POLR3B: variants seen among roughly 807,000 people sequenced by gnomAD.
POLR3B encodes RNA polymerase III subunit B.
POLR3B carries 96 observed loss-of-function variants against 147.4 expected under a neutral mutation model. That is an observed-to-expected ratio of 0.65 (90% CI 0.55 to 0.77). The LOEUF is 0.77. Ranked by LOEUF, POLR3B falls within the 30% of genes least tolerant of loss-of-function variation. The pLI, the probability that POLR3B is intolerant of heterozygous loss-of-function variation, is 0.00. For missense variants in POLR3B, 1,036 were observed against 1,413.5 expected, an observed-to-expected ratio of 0.73 and a Z score of 4.28; for synonymous variants, 461 against 485.9, an observed-to-expected ratio of 0.95 and a Z score of 0.67.
At chr12:106,380,224 G>A in intron 9 of POLR3B, 85 bp downstream of exon 9, 1 of 777,160 alleles carries the variant, frequency 1.3e-6, no homozygotes, top group East Asian at 2.7e-5. Flanking sequence ...GGAGGGTAAG[G>A]AATTCTTGGA....
intron 23 of POLR3B, among the ~76,000 whole-genome samples, chr12:106,470,634 G>A (rs2038076552): frequency 6.6e-6 from 1 of 152,118 alleles, no homozygotes; most frequent in Non-Finnish European, 1.5e-5. Flanking sequence ...TATGGATGAG[G>A]TTTTGGTCTG....
intron 18 of POLR3B, among the ~76,000 whole-genome samples, chr12:106,443,731 G>A (rs1352839049): frequency 2.0e-5 from 3 of 152,132 alleles, no homozygotes; most frequent in African/African-American, 7.2e-5. Context: ...GTGTTGGCTA[G>A]GCTGGTCTCG....
At chr12:106,366,632 T>C (rs946254326) in intron 3 of POLR3B, 26 bp from the exon 4 acceptor site, 1 of 1,609,518 alleles carries the variant, frequency 6.2e-7, no homozygotes, top group African/African-American at 1.3e-5. Context: ...CCAGAGTCTT[T>C]GCTAATGTTG....
intron 23 of POLR3B, among the ~76,000 whole-genome samples, chr12:106,493,164 A>T (rs779576826): frequency 8.5e-5 from 13 of 152,208 alleles, no homozygotes; most frequent in Non-Finnish European, 1.8e-4. Flanking sequence ...TTTGTAGTCC[A>T]TCCTCTTTTC....
At chr12:106,492,183 A>G (rs1288855119) in intron 23 of POLR3B, among the ~76,000 whole-genome samples, 1 of 151,592 alleles carries the variant, frequency 6.6e-6, no homozygotes, top group South Asian at 2.1e-4. Flanking sequence ...CCTGCTTAAG[A>G]TAGTCCATTA....
At chr12:106,469,603 A>T (rs2038060059) in intron 23 of POLR3B, among the ~76,000 whole-genome samples, 2 of 151,944 alleles carry the variant, frequency 1.3e-5, no homozygotes, top group Admixed American at 6.6e-5. Context: ...GTTCCTTTCC[A>T]TGTTTAGTGC....
rs2037882070 is a variant in POLR3B, at chr12:106,457,673, TACAA to T, written c.2452+380_2452+383del. ...TGCAAAGGTATGACTCCATTATAATTACAAACTTGTAATGCATTTTGTTGATGAA... is the reference window on the plus strand; with the variant it reads ...TGCAAAGGTATGACTCCATTATAATTACTTGTAATGCATTTTGTTGATGAA... On this transcript the variant is annotated intron_variant, in intron 21 of 27. Coordinates refer to ENST00000228347, the MANE Select transcript of POLR3B (RefSeq NM_018082.6). 3.3e-5 allele frequency among the ~76,000 whole-genome samples: 5 copies of T among 152,236 alleles called. No individual in the cohort carries two copies. In the South Asian group the frequency reaches 1.0e-3, roughly 31 times the overall value.
rs762386215 is a variant in POLR3B at position 106,410,810 on chromosome 12, A to C, written c.967-16A>C. ...GTCCATTTTCTCAAAATTTTTCTCC[A>C]ATTTCTGACTTACAGGTTAAGGAAT... On this transcript the variant is annotated splice_polypyrimidine_tract_variant and intron_variant, in intron 11 of 27. Transcript: ENST00000228347. The C allele has an allele frequency of 9.9e-6, 16 of 1,613,100 alleles. No homozygotes were observed. The highest frequency in any genetic ancestry group is 1.3e-5 in the Non-Finnish European group (15 of 1,179,408).
intron 19 of POLR3B, among the ~76,000 whole-genome samples, chr12:106,448,145 G>T (rs1052655263): frequency 7.9e-5 from 12 of 152,110 alleles, no homozygotes; most frequent in East Asian, 7.7e-4. Context: ...ATTATTTTTT[G>T]AATTCTGCTA....
rs2288266 is a variant in POLR3B at position 106,509,896 on chromosome 12, A to T, written c.*347A>T. 1 of 222,952 alleles carries T rather than the reference A, an allele frequency of 4.5e-6. No homozygotes were observed. Among genetic ancestry groups the T allele is most frequent in the Non-Finnish European group, 9.1e-6 (1 of 109,982 alleles). 13.8% of individuals were successfully genotyped at this position (222,952 alleles called of 1,614,324 possible). On this transcript the variant is annotated 3_prime_UTR_variant, in exon 28 of 28. Coordinates refer to ENST00000228347, the MANE Select transcript of POLR3B (RefSeq NM_018082.6). ...TCCTTCAAGCAAATGTTTGGGGTCA[A>T]ATTTACCATATCTTCTGGCTAACCA...
At chr12:106,451,951 A>T (rs1323261799) in intron 19 of POLR3B, among the ~76,000 whole-genome samples, 1 of 152,172 alleles carries the variant, frequency 6.6e-6, no homozygotes, top group Non-Finnish European at 1.5e-5. Context: ...GCAAAATGGG[A>T]TAATAGAAGT....
At chr12:106,496,272 G>A (rs1336238557) in intron 24 of POLR3B, 114 bp downstream of exon 24, 5 of 764,970 alleles carry the variant, frequency 6.5e-6, no homozygotes, top group Non-Finnish European at 9.5e-6. Context: ...TTCAGGTAGA[G>A]CTCTTCTGCC....
chr12:106,464,336 CACTA>C (rs2037978308), intron 23 of POLR3B, among the ~76,000 whole-genome samples: 1 of 152,202 alleles, frequency 6.6e-6, no homozygotes, highest in South Asian at 2.1e-4. Flanking sequence ...ACTTTTGTAG[CACTA>C]ACTGTGTGCC....
intron 11 of POLR3B, among the ~76,000 whole-genome samples, chr12:106,408,254 A>G (rs995029618): frequency 2.6e-5 from 4 of 152,232 alleles, no homozygotes; most frequent in Non-Finnish European, 4.4e-5. Context: ...AGTATTGTTT[A>G]GGTGTGTCTG....
Position 106,442,344 on chromosome 12 carries a change from A to G in POLR3B, c.1956-2119A>G, listed in dbSNP as rs764669959. 2.0e-5 allele frequency among the ~76,000 whole-genome samples: 3 copies of G among 152,178 alleles called. No homozygotes were observed. In the South Asian group the frequency reaches 6.2e-4, roughly 32 times the overall value. On this transcript the variant is annotated intron_variant, in intron 18 of 27. Transcript: ENST00000228347. Reference sequence around the variant, plus strand: ...GTTTTTACTTAGATGGAAAATGTCAACTTGGCCAATATTTAAACAAAGCAG... The same window carrying G: ...GTTTTTACTTAGATGGAAAATGTCAGCTTGGCCAATATTTAAACAAAGCAG...
intron 12 of POLR3B, among the ~76,000 whole-genome samples, chr12:106,420,943 GATTT>G (rs963278087): frequency 6.6e-6 from 1 of 151,754 alleles, no homozygotes; most frequent in Admixed American, 6.6e-5. Flanking sequence ...TTAATTTCTT[GATTT>G]ATTATATCAT....
chr12:106,504,387 T>G lies in POLR3B; in HGVS notation c.3272+133T>G. On this transcript the variant is annotated intron_variant, in intron 27 of 27. Coordinates refer to ENST00000228347, the MANE Select transcript of POLR3B (RefSeq NM_018082.6). This position sits in a 1 kb window ranked among gnomAD's most constrained non-coding sequence, Gnocchi z 4.6. ...TCACTAACATACCCTCCCTCATGCATGTATTCCTGTCATTGGGGATACTCT... is the reference window on the plus strand; with the variant it reads ...TCACTAACATACCCTCCCTCATGCAGGTATTCCTGTCATTGGGGATACTCT... The G allele has an allele frequency of 1.3e-6, 1 of 762,838 alleles. No homozygotes were observed. The highest frequency in any genetic ancestry group is 1.4e-5 in the South Asian group (1 of 69,976). The allele number at this position is 762,838 out of a possible 1,614,324, so 47.3% of individuals were successfully genotyped here.
At chr12:106,490,991 G>C (rs2038400710) in intron 23 of POLR3B, among the ~76,000 whole-genome samples, 1 of 152,204 alleles carries the variant, frequency 6.6e-6, no homozygotes, top group Non-Finnish European at 1.5e-5. Context: ...AGGAAGGAAT[G>C]AGCTGCTTTT....
intron 18 of POLR3B, among the ~76,000 whole-genome samples, chr12:106,438,217 C>A (rs2037603345): frequency 1.3e-5 from 2 of 152,086 alleles, no homozygotes; most frequent in Admixed American, 1.3e-4. Context: ...AGGACATGAT[C>A]TTGTTCCTTT....
Sources: allele counts gnomAD v4.1 joint callset (sites outside exome capture counted in the v4.1 genomes callset), GRCh38; gene constraint gnomAD v4.1.1; non-coding constraint Gnocchi (gnomAD v3.1); transcripts MANE v1.5; gene names NCBI Gene and HGNC (gene_info 2026-07-23, HGNC 2026-07-21).